Variants in GSN observed in about 807,000 individuals in gnomAD.
GSN encodes actin-depolymerizing factor.
A neutral mutation model predicts 85.7 loss-of-function variants in GSN; 56 were observed. That is an observed-to-expected ratio of 0.65 (90% CI 0.53 to 0.82). The LOEUF is 0.82. Ranked by LOEUF, GSN falls within the 40% of genes least tolerant of loss-of-function variation. GSN has a pLI of 0.00. For missense variants in GSN, 857 were observed against 979.8 expected (o/e 0.87, Z 1.67); for synonymous variants, 373 against 399.1 (o/e 0.93, Z 0.78).
chr9:121,228,443 T>A lies in GSN; in HGVS notation c.-527-2722T>A, dbSNP rs1211171694. Among the ~76,000 whole-genome samples the A allele has an allele frequency of 3.0e-3, 373 of 125,828 alleles. 12 individuals carry two copies. The highest frequency in any genetic ancestry group is 0.012 in the African/African-American group (351 of 29,298). 82.5% of individuals were successfully genotyped at this position (125,828 alleles called of 152,430 possible). On this transcript the variant is annotated intron_variant, in intron 4 of 24. Coordinates refer to the GSN transcript ENST00000373823. ...ATATATATTTTTTTTTTTTTTTTTT[T>A]TTTTTTTTGAGATAGGGTCTTGCTT... is the stretch of plus-strand genomic sequence containing the variant.
chr9:121,246,912 T>C (rs2054710293), intron 5 of GSN, among the ~76,000 whole-genome samples: 1 of 152,240 alleles, frequency 6.6e-6, no homozygotes, highest in East Asian at 1.9e-4. Flanking sequence ...GGCCAGAGTT[T>C]AAGGCGTGTG....
chr9:121,224,625 C>G (rs1439708484), intron 4 of GSN, among the ~76,000 whole-genome samples: 1 of 151,730 alleles, frequency 6.6e-6, no homozygotes, highest in East Asian at 1.9e-4. Context: ...TGTGGACTTT[C>G]CTGCCACCAA....
In GSN at chr9:121,331,747, G is replaced by T. The variant is rs149150526; in HGVS notation, c.2026+299G>T. The T allele has an allele frequency of 9.4e-6, 3 of 320,846 alleles. No homozygotes were observed. The East Asian group carries it at 1.7e-4, about 18-fold the overall frequency. 19.9% of individuals were successfully genotyped at this position (320,846 alleles called of 1,614,324 possible). On this transcript the variant is annotated intron_variant, in intron 17 of 17. Transcript: ENST00000432226. Reference sequence around the variant, plus strand: ...CCCAGAATACTCAGAAGCTGAACTTGTCAAGGTTTAGATGTGGCAAAGCAG... The same window carrying T: ...CCCAGAATACTCAGAAGCTGAACTTTTCAAGGTTTAGATGTGGCAAAGCAG...
In GSN at chr9:121,332,602, G is replaced by A. The variant is rs752045913; in HGVS notation, c.2195G>A (p.Ter732=). ...LDRAMAELAA[*] ...AGGGCCATGGCTGAGCTGGCTGCCT[G>A]AGGAGGGGCAGGGCCCACCCATGTC... The change falls in exon 18 of 18, where the codon TGA becomes TAA. Residue 732 remains the stop codon, a stop_retained_variant. Transcript: ENST00000432226. This position sits in a 1 kb window ranked among gnomAD's most constrained non-coding sequence, Gnocchi z 4.8. 1 of 1,612,784 alleles carries A rather than the reference G, an allele frequency of 6.2e-7. No homozygotes were observed. Among genetic ancestry groups the A allele is most frequent in the Non-Finnish European group, 8.5e-7 (1 of 1,179,362 alleles).
Position 121,331,399 on chromosome 9 carries a change from G to T in GSN, c.1977G>T (p.Trp659Cys), listed in dbSNP as rs201752493. ...CATCTCACCTCCAGGTCTTTGTCTG[G>T]GTTGGAAAGGATTCTCAAGAAGAAG... ...LLDTWDQVFV[W>C]VGKDSQEEEK... The change falls in exon 17 of 18, where the codon TGG becomes TGT. Residue 659 changes from tryptophan to cysteine, a missense_variant. Trp to Cys is a radical substitution (Grantham distance 215, BLOSUM62 -2). Transcript: ENST00000432226. 1.2e-6 allele frequency: 2 copies of T among 1,606,422 alleles called. No homozygotes were observed. Among genetic ancestry groups the T allele is most frequent in the Non-Finnish European group, 1.7e-6 (2 of 1,174,434 alleles).
At chr9:121,259,659 C>T (rs1038329069) in intron 6 of GSN, among the ~76,000 whole-genome samples, 2 of 152,062 alleles carry the variant, frequency 1.3e-5, no homozygotes, top group African/African-American at 2.4e-5. Flanking sequence ...TGGCCACCAA[C>T]GCCAGGCTAA....
At chr9:121,307,918 C>A (rs1564504222) in intron 4 of GSN, among the ~76,000 whole-genome samples, 1 of 152,234 alleles carries the variant, frequency 6.6e-6, no homozygotes, top group Admixed American at 6.5e-5. Flanking sequence ...CTCTGCCTGG[C>A]TCTCCAATCC....
At chr9:121,293,697 C>CAAAAA (rs55953322) in intron 2 of GSN, among the ~76,000 whole-genome samples, 1 of 108,834 alleles carries the variant, frequency 9.2e-6, no homozygotes. Context: ...GACCCCATCT[C>CAAAAA]AAAAAAAAAA....
intron 4 of GSN, chr9:121,308,788 G>C (rs2060714609): frequency 6.6e-6 from 1 of 152,290 alleles, no homozygotes; most frequent in Non-Finnish European, 1.5e-5. Flanking sequence ...TTGCACATCA[G>C]TGCGATGCAG....
In GSN at chr9:121,299,258, T is replaced by C. The variant is rs2059517978; in HGVS notation, c.-9-2705T>C. 1.0e-6 allele frequency: 1 copy of C among 983,000 alleles called. No individual in the cohort carries two copies. Among genetic ancestry groups the C allele is most frequent in the Non-Finnish European group, 1.2e-6 (1 of 827,710 alleles). The allele number at this position is 983,000 out of a possible 1,614,324, so 60.9% of individuals were successfully genotyped here. A position where few individuals can be genotyped will look rare whatever the true frequency, so the allele number is the denominator to read the frequency against. On this transcript the variant is annotated intron_variant, in intron 2 of 17. Coordinates refer to ENST00000432226, the MANE Select transcript of GSN (RefSeq NM_198252.3). This position sits in a 1 kb window ranked among gnomAD's most constrained non-coding sequence, Gnocchi z 4.2. ...CCCCGCCCCTCTGAGTCCTGCCGGC[T>C]TCACCTGCCCACGGGAGCCGGGTCC... is the stretch of plus-strand genomic sequence containing the variant.
At chr9:121,282,367 T>G (rs2057493489) in intron 2 of GSN, 1 of 682,642 alleles carries the variant, frequency 1.5e-6, no homozygotes, top group African/African-American at 1.8e-5. Flanking sequence ...AGAAGTGAAT[T>G]TCTAATGAGC....
At chr9:121,281,638 T>G (rs1225655176) in intron 2 of GSN, 76 bp downstream of exon 2, 2 of 471,162 alleles carry the variant, frequency 4.2e-6, no homozygotes, top group South Asian at 3.1e-5. Context: ...GGAGGGGACT[T>G]CAGTGGTGGA....
At chr9:121,293,292 G>A (rs147494070) in intron 2 of GSN, among the ~76,000 whole-genome samples, 1,648 of 152,212 alleles carry the variant, frequency 0.011, 15 homozygotes, top group Non-Finnish European at 0.015. Context: ...CCCAGGGCCT[G>A]AAGGGTTCTT....
intron 2 of GSN, among the ~76,000 whole-genome samples, chr9:121,291,586 T>C (rs2058699483): frequency 6.6e-6 from 1 of 151,832 alleles, no homozygotes; most frequent in Admixed American, 6.6e-5. Flanking sequence ...GCCCGGCTAA[T>C]TTTTTGTATT....
intron 5 of GSN, among the ~76,000 whole-genome samples, chr9:121,236,710 C>A (rs975438496): frequency 6.6e-6 from 1 of 152,196 alleles, no homozygotes; most frequent in Non-Finnish European, 1.5e-5. Context: ...TAAGGCACAA[C>A]TGCATAGAAG....
At chr9:121,232,928 TC>T (rs1257479196) in intron 5 of GSN, among the ~76,000 whole-genome samples, 1 of 152,148 alleles carries the variant, frequency 6.6e-6, no homozygotes, top group African/African-American at 2.4e-5. Flanking sequence ...CATTGTTGAG[TC>T]CCCTGATAGA....
intron 2 of GSN, among the ~76,000 whole-genome samples, chr9:121,289,570 C>T (rs1467827014): frequency 2.6e-5 from 4 of 152,150 alleles, no homozygotes; most frequent in East Asian, 1.9e-4. Context: ...AAGAGGAGGC[C>T]GTGGATTGCA....
At chr9:121,207,768 T>C (rs1462692492), upstream of GSN, 1 of 152,120 alleles carries the variant, frequency 6.6e-6, no homozygotes, top group Non-Finnish European at 1.5e-5. Context: ...CTCTCTTTTT[T>C]TTTTTTCTTC....
intron 4 of GSN, among the ~76,000 whole-genome samples, chr9:121,218,463 T>C (rs919911168): frequency 6.6e-6 from 1 of 152,096 alleles, no homozygotes; most frequent in Admixed American, 6.6e-5. Context: ...GGCAAAACCC[T>C]GTAACTACTA....
Sources: gnomAD v4.1 joint callset for allele counts (sites outside exome capture counted in the v4.1 genomes callset) on GRCh38, gnomAD v4.1.1 for gene constraint, Gnocchi (gnomAD v3.1) non-coding constraint, MANE v1.5 for transcripts, NCBI Gene and HGNC (gene_info 2026-07-23, HGNC 2026-07-21) for gene names.